Variants in TTC7B observed in about 807,000 individuals in gnomAD.
TTC7B encodes the protein tetratricopeptide repeat domain 7B.
TTC7B carries 28 observed loss-of-function variants against 106.8 expected under a neutral mutation model. The observed-to-expected ratio is 0.26, with a 90% CI of 0.19 to 0.36. TTC7B has a LOEUF of 0.36. Among genes scored for constraint, TTC7B ranks in the 10% least tolerant of loss-of-function variants. The pLI is 1.00. For synonymous variants in TTC7B, 405 were observed against 430.6 expected, an observed-to-expected ratio of 0.94 and a Z score of 0.74; for missense variants, 862 against 1,076.4, an observed-to-expected ratio of 0.80 and a Z score of 2.79.
At chr14:90,812,324 G>T (rs2030940580) in intron 1 of TTC7B, among the ~76,000 whole-genome samples, 2 of 152,124 alleles carry the variant, frequency 1.3e-5, no homozygotes, top group Admixed American at 1.3e-4. Context: ...GTAGAGAGAG[G>T]ACAGCTGGGC....
intron 2 of TTC7B, among the ~76,000 whole-genome samples, chr14:90,784,101 C>T (rs1299336742): frequency 6.6e-6 from 1 of 152,132 alleles, no homozygotes; most frequent in Non-Finnish European, 1.5e-5. Context: ...TCCCCTCACA[C>T]CTCCCAGCAG....
In TTC7B at chr14:90,537,536, T is replaced by A. The variant is rs1338284329; in HGVS notation, c.*3832A>T. 1 of 152,188 alleles carries A rather than the reference T, an allele frequency of 6.6e-6. No homozygotes were observed. Among genetic ancestry groups the A allele is most frequent in the Non-Finnish European group, 1.5e-5 (1 of 68,082 alleles). 9.4% of individuals were successfully genotyped at this position (152,188 alleles called of 1,614,324 possible). Reference sequence around the variant, plus strand: ...AACCACAGGCAATTAATATACACTGTTAGCATGGTCCACGAGGCCGCACCT... The same window carrying A: ...AACCACAGGCAATTAATATACACTGATAGCATGGTCCACGAGGCCGCACCT... On this transcript the variant is annotated 3_prime_UTR_variant, in exon 20 of 20. Transcript: ENST00000328459.
chr14:90,626,816 C>T (rs1390443688), intron 15 of TTC7B, among the ~76,000 whole-genome samples: 2 of 152,136 alleles, frequency 1.3e-5, no homozygotes, highest in Non-Finnish European at 1.5e-5. Context: ...AGTCTGCCAA[C>T]AGAACCAGTG....
intron 5 of TTC7B, among the ~76,000 whole-genome samples, chr14:90,727,940 G>A (rs1395812095): frequency 9.9e-5 from 15 of 152,122 alleles, no homozygotes; most frequent in Admixed American, 8.5e-4. Flanking sequence ...TTCTGTCCCC[G>A]CTTGCTGTAG....
rs555363239 is a variant in TTC7B at position 90,540,361 on chromosome 14, G to A, written c.*1007C>T. 3 of 152,328 alleles carry A rather than the reference G, an allele frequency of 2.0e-5. No individual in the cohort carries two copies. The highest frequency in any genetic ancestry group is 3.9e-4 in the East Asian group (2 of 5,174). The allele number at this position is 152,328 out of a possible 1,614,324, so 9.4% of individuals were successfully genotyped here. A position where few individuals can be genotyped will look rare whatever the true frequency, so the allele number is the denominator to read the frequency against. ...GAGGATCACCTGAACCTGGGAAGTC[G>A]AGGCTGCAGTGATCTGTGATCGCAC... On this transcript the variant is annotated 3_prime_UTR_variant, in exon 20 of 20. Transcript: ENST00000328459.
At chr14:90,629,540 T>C (rs1392688469) in intron 15 of TTC7B, among the ~76,000 whole-genome samples, 3 of 152,176 alleles carry the variant, frequency 2.0e-5, no homozygotes, top group Non-Finnish European at 2.9e-5. Context: ...CAAGCATGCA[T>C]TGCACAGACA....
At chr14:90,614,733 C>A (rs1237489101) in intron 16 of TTC7B, among the ~76,000 whole-genome samples, 2 of 152,192 alleles carry the variant, frequency 1.3e-5, no homozygotes, top group Non-Finnish European at 2.9e-5. Flanking sequence ...AGCTATCTTG[C>A]AAGGCTAATG....
chr14:90,811,785 C>A (rs1163374024), intron 1 of TTC7B, among the ~76,000 whole-genome samples: 1 of 152,178 alleles, frequency 6.6e-6, no homozygotes, highest in East Asian at 1.9e-4. Context: ...CATTTGGGGC[C>A]TAATCTTTCT....
At chr14:90,580,928 C>T (rs1024468936) in intron 18 of TTC7B, among the ~76,000 whole-genome samples, 1 of 152,204 alleles carries the variant, frequency 6.6e-6, no homozygotes, top group Admixed American at 6.5e-5. Flanking sequence ...TATCTCATGG[C>T]TGTGGTTAGT....
chr14:90,754,950 T>G (rs1890242351), intron 3 of TTC7B, among the ~76,000 whole-genome samples: 1 of 152,232 alleles, frequency 6.6e-6, no homozygotes, highest in African/African-American at 2.4e-5. Flanking sequence ...TCACATAACA[T>G]AAAATTAATC....
At chr14:90,801,222 C>CAAAAAAAA (rs67620286) in intron 1 of TTC7B, among the ~76,000 whole-genome samples, 1 of 70,938 alleles carries the variant, frequency 1.4e-5, no homozygotes, top group Non-Finnish European at 2.6e-5. Context: ...AAGACCCTAT[C>CAAAAAAAA]AAAAAAAAAA....
Position 90,791,669 on chromosome 14 carries a change from G to A in TTC7B, c.122-5341C>T, listed in dbSNP as rs561193145. On this transcript the variant is annotated intron_variant, in intron 1 of 19. Transcript: ENST00000328459. ...GCCTTTAGAGGGAATAGGCTTGCCC[G>A]CCAGTCCCTGTTCACCCTCCCCCAT... Among the ~76,000 whole-genome samples the A allele has an allele frequency of 2.7e-4, 41 of 152,076 alleles. No homozygotes were observed. In the East Asian group the frequency reaches 6.0e-3, roughly 22 times the overall value.
At chr14:90,758,234 G>A (rs1022759251) in intron 3 of TTC7B, among the ~76,000 whole-genome samples, 2 of 151,134 alleles carry the variant, frequency 1.3e-5, no homozygotes, top group African/African-American at 4.9e-5. Context: ...GCCGGCCTTG[G>A]GGCACCACTG....
At chr14:90,793,135 G>A (rs184272412) in intron 1 of TTC7B, among the ~76,000 whole-genome samples, 10 of 152,118 alleles carry the variant, frequency 6.6e-5, no homozygotes, top group South Asian at 6.3e-4. Flanking sequence ...CTTGTTTGCC[G>A]CCTTCTGAAG....
At position 90,709,336 on chromosome 14, in the gene TTC7B, C is replaced by T. The variant is rs866263308; in HGVS notation, c.699-13758G>A. Among the ~76,000 whole-genome samples the T allele has an allele frequency of 3.9e-3, 593 of 150,712 alleles. 5 individuals are homozygous for T. The highest frequency in any genetic ancestry group is 0.014 in the African/African-American group (570 of 41,002). ...ATTCAGAAAATGTGGCACATATACA[C>T]CATGGAATACTATGCAGCCATAAAA... On this transcript the variant is annotated intron_variant, in intron 5 of 19. Coordinates refer to ENST00000328459, the MANE Select transcript of TTC7B (RefSeq NM_001010854.2).
intron 15 of TTC7B, among the ~76,000 whole-genome samples, chr14:90,634,678 A>G (rs548476003): frequency 6.6e-6 from 1 of 152,278 alleles, no homozygotes; most frequent in East Asian, 1.9e-4. Flanking sequence ...CGGTCGAGGC[A>G]CAAGAATCGC....
At chr14:90,775,591 C>T (rs1284363070) in intron 3 of TTC7B, among the ~76,000 whole-genome samples, 1 of 152,092 alleles carries the variant, frequency 6.6e-6, no homozygotes, top group East Asian at 1.9e-4. Flanking sequence ...GGCACCTCCT[C>T]CTGGGCACAG....
intron 7 of TTC7B, among the ~76,000 whole-genome samples, chr14:90,686,335 G>A (rs1230821835): frequency 6.6e-6 from 1 of 152,116 alleles, no homozygotes; most frequent in African/African-American, 2.4e-5. Context: ...TTAACCTGAT[G>A]AAGGGCATCT....
chr14:90,580,560 C>T (rs1055657738), intron 18 of TTC7B, among the ~76,000 whole-genome samples: 1 of 152,206 alleles, frequency 6.6e-6, no homozygotes, highest in African/African-American at 2.4e-5. Context: ...GCACACTGCC[C>T]TTATCTGCTT....
Sources: gnomAD v4.1 joint callset for allele counts (sites outside exome capture counted in the v4.1 genomes callset) on GRCh38, gnomAD v4.1.1 for gene constraint, MANE v1.5 for transcripts, NCBI Gene and HGNC (gene_info 2026-07-23, HGNC 2026-07-21) for gene names.